The following GABRG3 variants were observed in gnomAD, a reference collection of about 807,000 sequenced individuals.
GABRG3 encodes gamma-aminobutyric acid receptor subunit gamma-3.
A neutral mutation model predicts 48.8 loss-of-function variants in GABRG3; 25 were observed. That is an observed-to-expected ratio of 0.51 (90% CI 0.37 to 0.72). The LOEUF (loss-of-function observed/expected upper bound fraction) is 0.72, where lower values mean the gene tolerates loss of function less well. GABRG3 is among the 30% of genes least tolerant of loss of function. The pLI, the probability that GABRG3 is intolerant of heterozygous loss-of-function variation, is 0.00. For synonymous variants in GABRG3, 227 were observed against 217.6 expected, an observed-to-expected ratio of 1.04 and a Z score of -0.38; for missense variants, 394 against 577.9, an observed-to-expected ratio of 0.68 and a Z score of 3.26.
In GABRG3 at chr15:27,541,432, G is replaced by C. The variant is rs2150869886; in HGVS notation, c.*8551G>C. The stretch of plus-strand genomic sequence containing the variant: ...GTCAGGGGTCCTGGGAGATGGCCCA[G>C]GCAGGAAGGGAAGGAGAGAGGCGCG... On this transcript the variant is annotated 3_prime_UTR_variant, in exon 10 of 10. Transcript: ENST00000615808. 6.6e-6 allele frequency: 1 copy of C among 152,520 alleles called. No homozygotes were observed. Among genetic ancestry groups the C allele is most frequent in the Non-Finnish European group, 1.5e-5 (1 of 68,182 alleles). 9.4% of individuals were successfully genotyped at this position (152,520 alleles called of 1,614,324 possible).
At chr15:27,056,960 G>A (rs928603758) in intron 3 of GABRG3, among the ~76,000 whole-genome samples, 2 of 152,022 alleles carry the variant, frequency 1.3e-5, no homozygotes, top group African/African-American at 4.8e-5. Flanking sequence ...TATTGTCCCT[G>A]TCTCCTATCT....
intron 9 of GABRG3, among the ~76,000 whole-genome samples, chr15:27,532,354 G>C (rs1256326819): frequency 1.3e-5 from 2 of 148,212 alleles, no homozygotes; most frequent in African/African-American, 2.5e-5. Context: ...ATACAGGGAA[G>C]CTTCCTCCTT....
chr15:27,016,551 A>G (rs1280273675), intron 2 of GABRG3, among the ~76,000 whole-genome samples: 1 of 151,984 alleles, frequency 6.6e-6, no homozygotes, highest in Non-Finnish European at 1.5e-5. Context: ...GTGACTTTTG[A>G]CAGTTGGATT....
chr15:27,098,243 G>C (rs1002057892), intron 3 of GABRG3, among the ~76,000 whole-genome samples: 3 of 152,236 alleles, frequency 2.0e-5, no homozygotes, highest in Non-Finnish European at 2.9e-5. Flanking sequence ...AGACCAGCCT[G>C]ACCAACATGG....
intron 8 of GABRG3, 108 bp from the exon 9 acceptor site, chr15:27,527,825 C>T (rs1312503061): frequency 1.0e-5 from 10 of 995,386 alleles, no homozygotes; most frequent in East Asian, 5.2e-5. Flanking sequence ...TGTCACCTAC[C>T]GGTGACGTGG....
intron 3 of GABRG3, among the ~76,000 whole-genome samples, chr15:27,121,296 G>C (rs1897727097): frequency 6.6e-6 from 1 of 152,178 alleles, no homozygotes; most frequent in Admixed American, 6.5e-5. Context: ...CACGGTTGCT[G>C]TAAGGTAGAT....
intron 6 of GABRG3, among the ~76,000 whole-genome samples, chr15:27,510,253 G>A (rs1890864112): frequency 6.6e-6 from 1 of 152,144 alleles, no homozygotes; most frequent in Non-Finnish European, 1.5e-5. Flanking sequence ...TCAGTCTTAG[G>A]CATGATTTGT....
At chr15:27,046,850 G>A (rs887343503) in intron 3 of GABRG3, among the ~76,000 whole-genome samples, 28 of 152,194 alleles carry the variant, frequency 1.8e-4, no homozygotes, top group Admixed American at 1.8e-3. Flanking sequence ...AGGCACATCT[G>A]TGGCTCTCAA....
intron 5 of GABRG3, among the ~76,000 whole-genome samples, chr15:27,406,749 G>C (rs1310646583): frequency 3.9e-5 from 6 of 152,138 alleles, no homozygotes; most frequent in African/African-American, 1.4e-4. Context: ...AACTTGGTAA[G>C]TCTGGAGCTA....
intron 3 of GABRG3, among the ~76,000 whole-genome samples, chr15:27,299,234 A>G (rs745336796): frequency 5.3e-5 from 8 of 152,198 alleles, no homozygotes; most frequent in Non-Finnish European, 7.3e-5. Flanking sequence ...CAGTGAGTCA[A>G]GATTGCACCA....
intron 3 of GABRG3, among the ~76,000 whole-genome samples, chr15:27,314,324 C>T (rs1054428762): frequency 1.3e-5 from 2 of 152,154 alleles, no homozygotes; most frequent in Non-Finnish European, 2.9e-5. Context: ...TTCAATGTCA[C>T]TAATCATCAG....
chr15:27,218,105 C>T (rs1889325015), intron 3 of GABRG3, among the ~76,000 whole-genome samples: 1 of 152,148 alleles, frequency 6.6e-6, no homozygotes, highest in Non-Finnish European at 1.5e-5. Flanking sequence ...CACCCTCCAG[C>T]CTCAAGTGAT....
At chr15:26,981,086 T>A (rs919166549) in intron 2 of GABRG3, among the ~76,000 whole-genome samples, 4 of 152,132 alleles carry the variant, frequency 2.6e-5, no homozygotes, top group African/African-American at 7.2e-5. Context: ...AAAAGTTTTT[T>A]AAAAAAACAA....
chr15:27,295,905 CCT>C (rs1315962896), intron 3 of GABRG3, among the ~76,000 whole-genome samples: 3 of 152,150 alleles, frequency 2.0e-5, no homozygotes, highest in Non-Finnish European at 2.9e-5. Context: ...TCCCAGAATG[CCT>C]CTCTCTGCTC....
At chr15:27,359,902 T>C (rs1367514899) in intron 5 of GABRG3, among the ~76,000 whole-genome samples, 1 of 152,218 alleles carries the variant, frequency 6.6e-6, no homozygotes, top group African/African-American at 2.4e-5. Flanking sequence ...TATTTCCATA[T>C]ACGTTTTTCT....
intron 5 of GABRG3, among the ~76,000 whole-genome samples, chr15:27,444,502 G>A (rs909905873): frequency 1.2e-4 from 19 of 152,040 alleles, no homozygotes; most frequent in Admixed American, 2.6e-4. Context: ...ACTGGACTTC[G>A]AAGTTTCTGT....
chr15:27,207,854 C>CT (rs1413484752), intron 3 of GABRG3, among the ~76,000 whole-genome samples: 3 of 152,176 alleles, frequency 2.0e-5, no homozygotes, highest in Non-Finnish European at 4.4e-5. Context: ...TAGGACTTCC[C>CT]TCTCTGAGTC....
intron 3 of GABRG3, among the ~76,000 whole-genome samples, chr15:27,073,106 A>C (rs1448596170): frequency 6.6e-6 from 1 of 152,180 alleles, no homozygotes; most frequent in African/African-American, 2.4e-5. Context: ...GTGTCCAGGG[A>C]TTGAGGACTC....
At chr15:27,330,775 T>C (rs1893777310) in intron 5 of GABRG3, among the ~76,000 whole-genome samples, 1 of 152,230 alleles carries the variant, frequency 6.6e-6, no homozygotes, top group Non-Finnish European at 1.5e-5. Flanking sequence ...GAGCATAAAG[T>C]ACTAGGAAGA....
Sources: allele counts gnomAD v4.1 joint callset (sites outside exome capture counted in the v4.1 genomes callset), GRCh38; gene constraint gnomAD v4.1.1; transcripts MANE v1.5; gene names NCBI Gene and HGNC (gene_info 2026-07-23, HGNC 2026-07-21).